Variants in MAP2 observed in about 807,000 individuals in gnomAD.
MAP2 encodes the protein microtubule-associated protein 2.
A neutral mutation model predicts 137.6 loss-of-function variants in MAP2; 14 were observed. That is an observed-to-expected ratio of 0.10 (90% CI 0.07 to 0.16). MAP2 has a LOEUF of 0.16. MAP2 is among the 10% of genes least tolerant of loss of function. MAP2 has a pLI of 1.00. For synonymous variants in MAP2, 786 were observed against 782.3 expected (o/e 1.00, Z -0.08); for missense variants, 2,088 against 2,191.5 (o/e 0.95, Z 0.94).
chr2:209,608,628 A>G (rs778058601), intron 3 of MAP2, among the ~76,000 whole-genome samples: 10 of 152,148 alleles, frequency 6.6e-5, no homozygotes, highest in Non-Finnish European at 1.3e-4. Context: ...CTTGTTCCAT[A>G]TATTTGACGA....
At chr2:209,462,715 C>G (rs1015262791) in intron 1 of MAP2, among the ~76,000 whole-genome samples, 4 of 152,100 alleles carry the variant, frequency 2.6e-5, no homozygotes, top group Non-Finnish European at 5.9e-5. Context: ...AGCTATTAAA[C>G]TAGTCTAATT....
At chr2:209,647,273 A>G (rs2094479442) in intron 4 of MAP2, among the ~76,000 whole-genome samples, 2 of 152,160 alleles carry the variant, frequency 1.3e-5, no homozygotes, top group African/African-American at 4.8e-5. Context: ...ACATTTCAGT[A>G]TGAAATTTGG....
chr2:209,543,504 A>G (rs774380979), intron 2 of MAP2, among the ~76,000 whole-genome samples: 5 of 152,250 alleles, frequency 3.3e-5, no homozygotes, highest in African/African-American at 4.8e-5. Flanking sequence ...TATGAAGTGC[A>G]GTAAAGCAAA....
intron 1 of MAP2, among the ~76,000 whole-genome samples, chr2:209,478,392 G>T (rs1344431363): frequency 2.0e-5 from 3 of 152,154 alleles, no homozygotes; most frequent in African/African-American, 7.2e-5. Context: ...CGCATCCAAA[G>T]AATTCCCAGC....
At chr2:209,703,601 G>A (rs565414776) in intron 11 of MAP2, among the ~76,000 whole-genome samples, 2 of 152,162 alleles carry the variant, frequency 1.3e-5, no homozygotes, top group East Asian at 3.9e-4. Context: ...TAAGCACTCA[G>A]CATTATTTTT....
intron 4 of MAP2, among the ~76,000 whole-genome samples, chr2:209,627,265 C>A (rs1273339726): frequency 6.6e-6 from 1 of 151,954 alleles, no homozygotes; most frequent in Non-Finnish European, 1.5e-5. Flanking sequence ...AAAATGTTTT[C>A]TAACACTATA....
intron 2 of MAP2, among the ~76,000 whole-genome samples, chr2:209,548,702 T>C (rs893781563): frequency 6.6e-6 from 1 of 152,192 alleles, no homozygotes; most frequent in Non-Finnish European, 1.5e-5. Flanking sequence ...GTGGAGGTAA[T>C]TGAATCACGG....
chr2:209,568,122 C>T (rs2073807802), intron 2 of MAP2, among the ~76,000 whole-genome samples: 1 of 151,968 alleles, frequency 6.6e-6, no homozygotes, highest in Non-Finnish European at 1.5e-5. Context: ...AATTAATTCT[C>T]TCTTCTCATC....
chr2:209,550,521 C>G (rs1252328189), intron 2 of MAP2, among the ~76,000 whole-genome samples: 2 of 152,100 alleles, frequency 1.3e-5, no homozygotes. Flanking sequence ...GATATTTACT[C>G]TAAACCTGAA....
intron 4 of MAP2, among the ~76,000 whole-genome samples, chr2:209,650,817 G>A (rs2094740219): frequency 6.6e-6 from 1 of 152,096 alleles, no homozygotes; most frequent in African/African-American, 2.4e-5. Flanking sequence ...AAAATGTAAA[G>A]CCTGTTAACT....
At chr2:209,468,278 C>CT (rs1704652061) in intron 1 of MAP2, among the ~76,000 whole-genome samples, 1 of 142,872 alleles carries the variant, frequency 7.0e-6, no homozygotes, top group South Asian at 2.3e-4. Context: ...TTTTAGAAAA[C>CT]TAAAAAGTCT....
At chr2:209,547,438 G>A (rs2068307962) in intron 2 of MAP2, among the ~76,000 whole-genome samples, 2 of 151,996 alleles carry the variant, frequency 1.3e-5, no homozygotes, top group South Asian at 4.1e-4. Flanking sequence ...AATCTTCAGG[G>A]TAAATGAGTG....
chr2:209,478,592 C>T (rs1399004832), intron 1 of MAP2, among the ~76,000 whole-genome samples: 6 of 152,128 alleles, frequency 3.9e-5, no homozygotes, highest in Admixed American at 2.0e-4. Flanking sequence ...ACAGCTGCTG[C>T]GACTCTCCTG....
chr2:209,634,000 C>T (rs1481260271), intron 4 of MAP2, among the ~76,000 whole-genome samples: 2 of 152,184 alleles, frequency 1.3e-5, no homozygotes, highest in East Asian at 3.9e-4. Context: ...TCTGTCTGCA[C>T]ATTGGCCAGA....
intron 4 of MAP2, among the ~76,000 whole-genome samples, chr2:209,642,136 A>G (rs1304227430): frequency 6.6e-6 from 1 of 152,006 alleles, no homozygotes; most frequent in Non-Finnish European, 1.5e-5. Flanking sequence ...ATTGCTGAAA[A>G]TTTTCAAATA....
intron 7 of MAP2, among the ~76,000 whole-genome samples, chr2:209,683,008 G>T (rs933663243): frequency 6.6e-6 from 1 of 152,084 alleles, no homozygotes; most frequent in Non-Finnish European, 1.5e-5. Flanking sequence ...TCCAAAAGTC[G>T]GCTTGAGGTC....
intron 2 of MAP2, among the ~76,000 whole-genome samples, chr2:209,545,277 A>G (rs2067829773): frequency 6.6e-6 from 1 of 152,190 alleles, no homozygotes; most frequent in South Asian, 2.1e-4. Context: ...ATTTTGCCCT[A>G]TAGTATCCTC....
At chr2:209,472,084 T>A (rs2149721222) in intron 1 of MAP2, among the ~76,000 whole-genome samples, 1 of 152,326 alleles carries the variant, frequency 6.6e-6, no homozygotes, top group East Asian at 1.9e-4. Context: ...TTGATTTTTT[T>A]AATAATAAAT....
intron 3 of MAP2, among the ~76,000 whole-genome samples, chr2:209,609,658 T>C (rs1249459846): frequency 6.6e-6 from 1 of 152,218 alleles, no homozygotes; most frequent in Non-Finnish European, 1.5e-5. Context: ...CACTGCTTTT[T>C]ATGGAAGAAT....
Sources: gnomAD v4.1 joint callset for allele counts (sites outside exome capture counted in the v4.1 genomes callset) on GRCh38, gnomAD v4.1.1 for gene constraint, MANE v1.5 for transcripts, NCBI Gene and HGNC (gene_info 2026-07-23, HGNC 2026-07-21) for gene names.